The following ENTREP2 variants were observed in gnomAD, a reference collection of about 807,000 sequenced individuals.
The protein encoded by ENTREP2 is endosomal transmembrane epsin interactor 2.
the ENTREP2 span, among the ~76,000 whole-genome samples, chr15:29,361,940 T>C: frequency 1.3e-5 from 2 of 152,236 alleles, no homozygotes; most frequent in African/African-American, 2.4e-5. Flanking sequence ...AAGTGGTTTA[T>C]TGTAATCAAG....
chr15:29,654,853 G>A, the ENTREP2 span, among the ~76,000 whole-genome samples: 11,338 of 152,216 alleles, frequency 0.074, 1,332 homozygotes, highest in African/African-American at 0.25. Flanking sequence ...GGATCAATGA[G>A]AGTTCCTTAC....
At chr15:29,296,313 T>C in the ENTREP2 span, among the ~76,000 whole-genome samples, 1 of 152,166 alleles carries the variant, frequency 6.6e-6, no homozygotes, top group South Asian at 2.1e-4. Flanking sequence ...TTCAGGGTGA[T>C]TTGTAGGATT....
chr15:29,541,747 A>T, the ENTREP2 span, among the ~76,000 whole-genome samples: 1 of 152,198 alleles, frequency 6.6e-6, no homozygotes, highest in Non-Finnish European at 1.5e-5. Context: ...GTGGCTGGGC[A>T]CAGAGAGCAC....
chr15:29,606,511 C>G, the ENTREP2 span, among the ~76,000 whole-genome samples: 1 of 152,032 alleles, frequency 6.6e-6, no homozygotes, highest in Admixed American at 6.6e-5. Flanking sequence ...ATGTTGGTAG[C>G]AATTTGCTAT....
At chr15:29,120,345 G>C in the ENTREP2 span, 1 of 152,242 alleles carries the variant, frequency 6.6e-6, no homozygotes, top group African/African-American at 2.4e-5. Flanking sequence ...TGTACAGACA[G>C]GTCTCTGGTG....
chr15:29,360,318 A>AT, the ENTREP2 span, among the ~76,000 whole-genome samples: 1 of 152,050 alleles, frequency 6.6e-6, no homozygotes, highest in African/African-American at 2.4e-5. Flanking sequence ...AGCATATTAG[A>AT]TTTTTTCTTA....
chr15:29,268,662 C>T, the ENTREP2 span: 4 of 858,356 alleles, frequency 4.7e-6, no homozygotes, highest in African/African-American at 1.7e-5. Context: ...GCAAACACAT[C>T]CTAAAGCTAC....
the ENTREP2 span, among the ~76,000 whole-genome samples, chr15:29,415,293 C>T: frequency 6.6e-6 from 1 of 152,164 alleles, no homozygotes; most frequent in Admixed American, 6.5e-5. Context: ...CATCAAAAAG[C>T]TTATCCACCA....
chr15:29,353,742 T>C, the ENTREP2 span, among the ~76,000 whole-genome samples: 1 of 152,104 alleles, frequency 6.6e-6, no homozygotes, highest in East Asian at 1.9e-4. Context: ...CCCCATGAAA[T>C]AAATGAATGA....
the ENTREP2 span, among the ~76,000 whole-genome samples, chr15:29,510,675 C>T: frequency 2.6e-5 from 4 of 151,964 alleles, no homozygotes; most frequent in African/African-American, 9.7e-5. Flanking sequence ...GGCATGGTGG[C>T]TGGCACCTGT....
chr15:29,212,439 T>C, the ENTREP2 span, among the ~76,000 whole-genome samples: 3 of 152,202 alleles, frequency 2.0e-5, no homozygotes, highest in Non-Finnish European at 4.4e-5. Flanking sequence ...GCTTTTTGTT[T>C]CATTTATCTT....
the ENTREP2 span, among the ~76,000 whole-genome samples, chr15:29,331,748 T>C: frequency 6.6e-6 from 1 of 152,174 alleles, no homozygotes; most frequent in Non-Finnish European, 1.5e-5. Context: ...ACCCCAACAA[T>C]TCTACTTAAG....
At chr15:29,663,150 G>T in the ENTREP2 span, among the ~76,000 whole-genome samples, 5 of 152,166 alleles carry the variant, frequency 3.3e-5, no homozygotes, top group Admixed American at 6.5e-5. Context: ...CACATGCTTG[G>T]TGTGCTTCAC....
the ENTREP2 span, among the ~76,000 whole-genome samples, chr15:29,200,619 C>T: frequency 6.6e-6 from 1 of 151,868 alleles, no homozygotes; most frequent in Non-Finnish European, 1.5e-5. Flanking sequence ...TGTGCAATTG[C>T]GTGATCTCAC....
chr15:29,169,318 T>TG, the ENTREP2 span, among the ~76,000 whole-genome samples: 2 of 152,050 alleles, frequency 1.3e-5, no homozygotes, highest in African/African-American at 4.8e-5. Context: ...AAGAACATTT[T>TG]GGGAAAAAAA....
At chr15:29,499,725 G>A in the ENTREP2 span, among the ~76,000 whole-genome samples, 1 of 152,068 alleles carries the variant, frequency 6.6e-6, no homozygotes, top group Non-Finnish European at 1.5e-5. Context: ...CTTTCTGATA[G>A]TGAAGTGTAA....
the ENTREP2 span, among the ~76,000 whole-genome samples, chr15:29,614,755 A>G: frequency 1.3e-5 from 2 of 152,208 alleles, no homozygotes; most frequent in Non-Finnish European, 2.9e-5. Context: ...AGAAGGTGGC[A>G]GGAAGAAGTT....
chr15:29,623,299 G>T, the ENTREP2 span, among the ~76,000 whole-genome samples: 1 of 152,158 alleles, frequency 6.6e-6, no homozygotes, highest in African/African-American at 2.4e-5. Context: ...TCAAGTTCAG[G>T]TTTCCAAGGC....
the ENTREP2 span, among the ~76,000 whole-genome samples, chr15:29,599,261 T>G: frequency 8.7e-3 from 1,325 of 152,308 alleles, 21 homozygotes; most frequent in African/African-American, 0.031. Context: ...GAAATAATAA[T>G]GATGCAGGAT....
Sources: allele counts gnomAD v4.1 joint callset (sites outside exome capture counted in the v4.1 genomes callset), GRCh38; gene constraint gnomAD v4.1.1; transcripts MANE v1.5; gene names NCBI Gene and HGNC (gene_info 2026-07-23, HGNC 2026-07-21).